The following RAB30 variants were observed in gnomAD, a reference collection of about 807,000 sequenced individuals.
The protein encoded by RAB30 is RAB30, member RAS oncogene family.
RAB30 carries 9 observed loss-of-function variants against 25.1 expected under a neutral mutation model. That is an observed-to-expected ratio of 0.36 (90% CI 0.22 to 0.63). RAB30 has a LOEUF of 0.63. RAB30 is among the 20% of genes least tolerant of loss of function. The pLI is 0.69. For missense variants in RAB30, 140 were observed against 243.5 expected (o/e 0.58, Z 2.83); for synonymous variants, 77 against 86.4 (o/e 0.89, Z 0.60).
intron 4 of RAB30, among the ~76,000 whole-genome samples, chr11:82,983,663 A>G (rs1856683991): frequency 6.6e-6 from 1 of 151,760 alleles, no homozygotes; most frequent in Non-Finnish European, 1.5e-5. Flanking sequence ...TGAACTTGTG[A>G]GCTTAAGCGA....
rs565714537 is a variant in RAB30, at chr11:82,977,605, T to C, written c.*4560A>G. On this transcript the variant is annotated 3_prime_UTR_variant, in exon 5 of 5. Coordinates refer to ENST00000527633, the MANE Select transcript of RAB30 (RefSeq NM_001286060.2). ...TCTGTGTCCCTACGGCCTCATTCAG[T>C]AGGCCTCATTCCACCCCTCTGAACC... 10 of 152,274 alleles carry C rather than the reference T, an allele frequency of 6.6e-5. No homozygotes were observed. The highest frequency in any genetic ancestry group is 2.4e-4 in the African/African-American group (10 of 41,548). The allele number at this position is 152,274 out of a possible 1,614,324, so 9.4% of individuals were successfully genotyped here. A position where few individuals can be genotyped will look rare whatever the true frequency, so the allele number is the denominator to read the frequency against.
At chr11:82,997,018 C>T (rs2121462781) in intron 2 of RAB30, among the ~76,000 whole-genome samples, 1 of 152,274 alleles carries the variant, frequency 6.6e-6, no homozygotes, top group Non-Finnish European at 1.5e-5. Flanking sequence ...GGTGGAGACT[C>T]CCAGGGCCAT....
At position 82,974,106 on chromosome 11, in the gene RAB30, G is replaced by A. The variant is rs1192880555; in HGVS notation, c.*8059C>T. On this transcript the variant is annotated 3_prime_UTR_variant, in exon 5 of 5. Transcript: ENST00000527633. The stretch of plus-strand genomic sequence containing the variant: ...CCGGATGCTGGGGGAAGGAGGAGGA[G>A]GAGTGATTGCAAATGGTATGGGGTT... 1 of 151,962 alleles carries A rather than the reference G, an allele frequency of 6.6e-6. No homozygotes were observed. Among genetic ancestry groups the A allele is most frequent in the Admixed American group, 6.6e-5 (1 of 15,240 alleles). The allele number at this position is 151,962 out of a possible 1,614,324, so 9.4% of individuals were successfully genotyped here.
chr11:83,017,493 T>C (rs1857464645), intron 1 of RAB30, among the ~76,000 whole-genome samples: 1 of 152,172 alleles, frequency 6.6e-6, no homozygotes, highest in African/African-American at 2.4e-5. Context: ...CCAGGCAGTG[T>C]ACACTGTACC....
chr11:83,036,334 T>A (rs1399026366), intron 1 of RAB30, among the ~76,000 whole-genome samples: 1 of 152,042 alleles, frequency 6.6e-6, no homozygotes, highest in Non-Finnish European at 1.5e-5. Flanking sequence ...GCCCAGCTAA[T>A]TTTTGTATTT....
chr11:83,025,967 T>A (rs923940406), intron 1 of RAB30, among the ~76,000 whole-genome samples: 5 of 152,074 alleles, frequency 3.3e-5, no homozygotes, highest in Non-Finnish European at 5.9e-5. Flanking sequence ...GGTGGGAGGA[T>A]TGCTTGAGCC....
intron 2 of RAB30, among the ~76,000 whole-genome samples, 154 bp from the exon 3 acceptor site, chr11:82,994,276 G>A (rs1856915144): frequency 6.6e-6 from 1 of 152,176 alleles, no homozygotes; most frequent in African/African-American, 2.4e-5. Flanking sequence ...AGGGAGCCCT[G>A]TGCAACTCTG....
chr11:82,992,244 C>G, intron 3 of RAB30: 1 of 452,460 alleles, frequency 2.2e-6, no homozygotes, highest in South Asian at 1.6e-5. Flanking sequence ...TCCCCACAGC[C>G]TAGCTCCTTC....
intron 1 of RAB30, among the ~76,000 whole-genome samples, chr11:83,002,673 G>T (rs542661781): frequency 9.9e-5 from 14 of 141,690 alleles, no homozygotes; most frequent in Non-Finnish European, 1.8e-4. Flanking sequence ...GGTGGCTCAC[G>T]CCTGTAACCC....
intron 1 of RAB30, among the ~76,000 whole-genome samples, chr11:83,053,700 T>C (rs188221177): frequency 6.6e-4 from 100 of 152,276 alleles, no homozygotes; most frequent in African/African-American, 2.4e-3. Context: ...CTAAACCTTA[T>C]AGATATTTGA....
At chr11:83,055,872 G>A (rs1786144050) in intron 1 of RAB30, among the ~76,000 whole-genome samples, 2 of 151,772 alleles carry the variant, frequency 1.3e-5, no homozygotes, top group South Asian at 4.2e-4. Context: ...GTATCCTTCA[G>A]CAGACACCAA....
chr11:83,010,015 C>T (rs983961178), intron 1 of RAB30, among the ~76,000 whole-genome samples: 2 of 152,138 alleles, frequency 1.3e-5, no homozygotes, highest in Non-Finnish European at 2.9e-5. Context: ...GATCCTCCTG[C>T]CTTGGACTTT....
chr11:83,048,445 TG>T (rs1858280780), intron 1 of RAB30, among the ~76,000 whole-genome samples: 1 of 148,254 alleles, frequency 6.7e-6, no homozygotes, highest in Admixed American at 6.7e-5. Context: ...GCACTCAGCC[TG>T]GGCAACAGTG....
intron 1 of RAB30, among the ~76,000 whole-genome samples, chr11:83,069,431 A>G (rs1400602064): frequency 1.3e-5 from 2 of 152,222 alleles, no homozygotes; most frequent in African/African-American, 4.8e-5. Flanking sequence ...TTAAGAGAAG[A>G]GAATAAAATA....
chr11:83,030,447 G>A (rs903726413), intron 1 of RAB30, among the ~76,000 whole-genome samples: 2 of 151,930 alleles, frequency 1.3e-5, no homozygotes, highest in Admixed American at 6.6e-5. Flanking sequence ...ATGTTGAGCC[G>A]TGTTCATGCC....
In RAB30 at chr11:83,012,075, C is replaced by A. The variant is rs570529674; in HGVS notation, c.-8-14751G>T. Among the ~76,000 whole-genome samples the A allele has an allele frequency of 2.0e-5, 3 of 152,148 alleles. No homozygotes were observed. In the East Asian group the frequency reaches 5.8e-4, roughly 29 times the overall value. On this transcript the variant is annotated intron_variant, in intron 1 of 4. Transcript: ENST00000527633. The stretch of plus-strand genomic sequence containing the variant: ...TTTTGTGCTTTTCAAACAAAAGAGT[C>A]CCTCAACACAAACTGATGATTCATC...
At chr11:83,029,512 C>T (rs1234464469) in intron 1 of RAB30, among the ~76,000 whole-genome samples, 3 of 152,092 alleles carry the variant, frequency 2.0e-5, no homozygotes, top group Non-Finnish European at 4.4e-5. Flanking sequence ...AGCAAACCAC[C>T]TGCCTCAGTC....
chr11:82,985,407 C>A (rs1391798007), intron 4 of RAB30, among the ~76,000 whole-genome samples: 1 of 152,160 alleles, frequency 6.6e-6, no homozygotes, highest in African/African-American at 2.4e-5. Flanking sequence ...ATTCTTCCTG[C>A]CTGTTCTATG....
At chr11:83,040,237 G>T (rs971756968) in intron 1 of RAB30, among the ~76,000 whole-genome samples, 7 of 152,270 alleles carry the variant, frequency 4.6e-5, no homozygotes, top group Admixed American at 3.9e-4. Flanking sequence ...AAATGGACAT[G>T]GTGAAAAGTT....
Sources: allele counts gnomAD v4.1 joint callset (sites outside exome capture counted in the v4.1 genomes callset), GRCh38; gene constraint gnomAD v4.1.1; transcripts MANE v1.5; gene names NCBI Gene and HGNC (gene_info 2026-07-23, HGNC 2026-07-21).